The following TAFA2 variants were observed in gnomAD, a reference collection of about 807,000 sequenced individuals.
The protein encoded by TAFA2 is TAFA chemokine like family member 2, also known as chemokine-like protein TAFA-2.
In TAFA2, 7 loss-of-function variants were observed where a neutral mutation model predicts 18.8. The observed-to-expected ratio is 0.37, with a 90% CI of 0.21 to 0.70. TAFA2 has a LOEUF of 0.70. Ranked by LOEUF, TAFA2 falls within the 30% of genes least tolerant of loss-of-function variation. The pLI, the probability that TAFA2 is intolerant of heterozygous loss-of-function variation, is 0.53. For synonymous variants in TAFA2, 60 were observed against 54.2 expected (o/e 1.11, Z -0.47); for missense variants, 122 against 158.1 (o/e 0.77, Z 1.23).
At chr12:61,732,735 G>T (rs6581423) in intron 4 of TAFA2, among the ~76,000 whole-genome samples, 122,601 of 149,546 alleles carry the variant, frequency 0.82, 50,314 homozygotes, top group East Asian at 0.98. Flanking sequence ...GTGATTTTTT[G>T]TGTGTGTGTG....
At chr12:61,778,328 C>A (rs930584285) in intron 2 of TAFA2, among the ~76,000 whole-genome samples, 2 of 151,680 alleles carry the variant, frequency 1.3e-5, no homozygotes, top group African/African-American at 2.4e-5. Context: ...ACCATCCCCA[C>A]CCCCCAACTC....
intron 1 of TAFA2, among the ~76,000 whole-genome samples, chr12:61,912,012 C>A (rs756562216): frequency 2.2e-4 from 33 of 152,300 alleles, no homozygotes; most frequent in Admixed American, 5.2e-4. Flanking sequence ...CCCAGTGGAA[C>A]CTAATGATAC....
At chr12:62,184,206 A>C (rs2062569657) in intron 1 of TAFA2, among the ~76,000 whole-genome samples, 1 of 152,184 alleles carries the variant, frequency 6.6e-6, no homozygotes, top group Non-Finnish European at 1.5e-5. Flanking sequence ...GAAAAGTATA[A>C]ATTTTGACCC....
At chr12:62,149,332 CTG>C (rs2062310198) in intron 1 of TAFA2, among the ~76,000 whole-genome samples, 2 of 151,976 alleles carry the variant, frequency 1.3e-5, no homozygotes, top group Admixed American at 1.3e-4. Context: ...GTTTTAAAAT[CTG>C]TGCTCTGCAG....
At chr12:62,059,051 C>G (rs1445242900) in intron 1 of TAFA2, among the ~76,000 whole-genome samples, 2 of 151,574 alleles carry the variant, frequency 1.3e-5, no homozygotes, top group African/African-American at 4.9e-5. Context: ...TGCAGTGAGC[C>G]GAGATCACGG....
intron 1 of TAFA2, among the ~76,000 whole-genome samples, chr12:62,118,587 G>A (rs115514291): frequency 0.013 from 1,902 of 152,126 alleles, 39 homozygotes; most frequent in African/African-American, 0.044. Flanking sequence ...TCCAGTCAGC[G>A]AAGAACATTC....
intron 1 of TAFA2, among the ~76,000 whole-genome samples, chr12:61,882,721 A>T (rs1158514804): frequency 1.3e-5 from 2 of 152,248 alleles, no homozygotes; most frequent in African/African-American, 4.8e-5. Context: ...TTCCTTGTGA[A>T]TACTCTATGC....
intron 1 of TAFA2, among the ~76,000 whole-genome samples, chr12:62,055,077 G>A (rs569946408): frequency 6.6e-6 from 1 of 152,242 alleles, no homozygotes; most frequent in African/African-American, 2.4e-5. Context: ...TGAGAGTGGA[G>A]TCCTCATAGA....
intron 1 of TAFA2, among the ~76,000 whole-genome samples, chr12:61,993,137 T>C (rs1314678700): frequency 6.6e-6 from 1 of 152,168 alleles, no homozygotes; most frequent in Non-Finnish European, 1.5e-5. Context: ...CATTCTGCGC[T>C]CATTACTGTT....
intron 4 of TAFA2, among the ~76,000 whole-genome samples, chr12:61,715,312 T>A (rs918135993): frequency 6.6e-6 from 1 of 152,140 alleles, no homozygotes; most frequent in Non-Finnish European, 1.5e-5. Context: ...GGTTCAGGCC[T>A]GTAATCCCAA....
intron 1 of TAFA2, among the ~76,000 whole-genome samples, chr12:62,031,504 G>T (rs924367770): frequency 6.6e-6 from 1 of 151,898 alleles, no homozygotes; most frequent in South Asian, 2.1e-4. Flanking sequence ...TATATGCATA[G>T]AGACACACAA....
rs1410806360 is a variant in TAFA2, at chr12:61,778,157, T to C, written c.107-23133A>G. ...GTGTTCTAAGGATGAAATGAGATCC[T>C]GAATGTAAAGTGGTTCCCTCTTTAC... is the stretch of plus-strand genomic sequence containing the variant. On this transcript the variant is annotated intron_variant, in intron 2 of 4. Coordinates refer to ENST00000416284, the MANE Select transcript of TAFA2 (RefSeq NM_178539.5). Among the ~76,000 whole-genome samples, 3 of 151,862 alleles carry C rather than the reference T, an allele frequency of 2.0e-5. No individual in the cohort carries two copies. The East Asian group carries it at 5.8e-4, about 30-fold the overall frequency.
At chr12:62,234,889 T>G (rs1592413042) in intron 1 of TAFA2, 1 of 995,072 alleles carries the variant, frequency 1.0e-6, no homozygotes, top group East Asian at 2.7e-5. Flanking sequence ...CATCCCACGA[T>G]CATGGGCATC....
At chr12:62,173,566 G>A (rs1201910316) in intron 1 of TAFA2, among the ~76,000 whole-genome samples, 1 of 152,162 alleles carries the variant, frequency 6.6e-6, no homozygotes, top group East Asian at 1.9e-4. Context: ...AAAGAAAGTG[G>A]CCTGAGTATC....
At chr12:62,034,177 C>T (rs1294008026) in intron 1 of TAFA2, among the ~76,000 whole-genome samples, 1 of 152,110 alleles carries the variant, frequency 6.6e-6, no homozygotes, top group African/African-American at 2.4e-5. Flanking sequence ...CTTTTAACTC[C>T]AGGAAAACTA....
intron 1 of TAFA2, among the ~76,000 whole-genome samples, chr12:62,025,170 G>A (rs1384798678): frequency 6.6e-6 from 1 of 152,088 alleles, no homozygotes; most frequent in African/African-American, 2.4e-5. Context: ...ATATGTTCAT[G>A]CATGTTTTCA....
intron 2 of TAFA2, among the ~76,000 whole-genome samples, chr12:61,802,360 A>G (rs189594326): frequency 5.6e-4 from 85 of 152,206 alleles, no homozygotes; most frequent in Admixed American, 1.5e-3. Flanking sequence ...ATCAACATAA[A>G]TGTCCATCAA....
At chr12:61,978,949 C>T (rs186612423) in intron 1 of TAFA2, among the ~76,000 whole-genome samples, 21 of 152,092 alleles carry the variant, frequency 1.4e-4, no homozygotes, top group East Asian at 3.9e-4. Flanking sequence ...CACTTCTGAC[C>T]GTCTCCCAAT....
At chr12:62,155,056 CT>C (rs1332722213) in intron 1 of TAFA2, among the ~76,000 whole-genome samples, 2 of 152,152 alleles carry the variant, frequency 1.3e-5, no homozygotes, top group Non-Finnish European at 2.9e-5. Flanking sequence ...CTAAAGACTC[CT>C]CCAGAAAGCT....
Sources: gnomAD v4.1 joint callset for allele counts (sites outside exome capture counted in the v4.1 genomes callset) on GRCh38, gnomAD v4.1.1 for gene constraint, MANE v1.5 for transcripts, NCBI Gene and HGNC (gene_info 2026-07-23, HGNC 2026-07-21) for gene names.